The following DNM1L variants were observed in gnomAD, a reference collection of about 807,000 sequenced individuals.
The protein encoded by DNM1L is dynamin 1L.
DNM1L carries 33 observed loss-of-function variants against 92.8 expected under a neutral mutation model. The ratio of observed to expected loss-of-function variants is 0.36; its 90% confidence interval spans 0.27 to 0.48. The LOEUF (loss-of-function observed/expected upper bound fraction) is 0.48, where lower values mean the gene tolerates loss of function less well. Ranked by LOEUF, DNM1L falls within the 20% of genes least tolerant of loss-of-function variation. The pLI, the probability that DNM1L is intolerant of heterozygous loss-of-function variation, is 0.99. For synonymous variants in DNM1L, 284 were observed against 305.0 expected, an observed-to-expected ratio of 0.93 and a Z score of 0.72; for missense variants, 485 against 888.8, an observed-to-expected ratio of 0.55 and a Z score of 5.78.
In DNM1L at chr12:32,743,524, T is replaced by G. The variant is rs1955462459; in HGVS notation, c.*114T>G. 3.0e-6 allele frequency: 3 copies of G among 984,742 alleles called. No individual in the cohort carries two copies. Among genetic ancestry groups the G allele is most frequent in the Non-Finnish European group, 3.1e-6 (2 of 635,068 alleles). 61.0% of individuals were successfully genotyped at this position (984,742 alleles called of 1,614,324 possible). ...TATTGCAATGGTATGAATCTGCTCATGTGGAGACTGGCTATAAACTGAAAA... is the reference window on the plus strand; with the variant it reads ...TATTGCAATGGTATGAATCTGCTCAGGTGGAGACTGGCTATAAACTGAAAA... On this transcript the variant is annotated 3_prime_UTR_variant, in exon 20 of 20. Transcript: ENST00000549701.
intron 1 of DNM1L, among the ~76,000 whole-genome samples, chr12:32,695,207 A>G (rs1302058356): frequency 6.6e-6 from 1 of 152,212 alleles, no homozygotes; most frequent in African/African-American, 2.4e-5. Context: ...TAGAGTATAA[A>G]GGCAGAGTAG....
chr12:32,679,658 C>G, intron 1 of DNM1L, 193 bp downstream of exon 1: 1 of 1,290,040 alleles, frequency 7.8e-7, no homozygotes, highest in Non-Finnish European at 9.8e-7. Context: ...AGCGTTGCAT[C>G]AAGGCGGAGA....
In DNM1L at chr12:32,745,056, A is replaced by G. The variant is rs1229112830; in HGVS notation, c.*1646A>G. 2.0e-6 allele frequency: 1 copy of G among 501,548 alleles called. No individual in the cohort carries two copies. Among genetic ancestry groups the G allele is most frequent in the Non-Finnish European group, 3.9e-6 (1 of 254,266 alleles). The allele number at this position is 501,548 out of a possible 1,614,324, so 31.1% of individuals were successfully genotyped here. ...CAATTTACTAAGGAACAACAGGCTC[A>G]CCAACTGATGTCAAACATAAAAACC... On this transcript the variant is annotated 3_prime_UTR_variant, in exon 20 of 20. Transcript: ENST00000549701.
chr12:32,713,724 C>T (rs7971644), intron 6 of DNM1L, among the ~76,000 whole-genome samples: 1 of 151,914 alleles, frequency 6.6e-6, no homozygotes, highest in African/African-American at 2.4e-5. Context: ...ATGTGCCTGC[C>T]GTCCCAGCTA....
chr12:32,740,051 C>T lies in DNM1L; in HGVS notation c.1708-13C>T, dbSNP rs756385819. ...ATGATGTGGTTGGTATGTTTTGGAACATGTTTTTTCAGGTTGCATCTGGAG... is the reference window on the plus strand; with the variant it reads ...ATGATGTGGTTGGTATGTTTTGGAATATGTTTTTTCAGGTTGCATCTGGAG... On this transcript the variant is annotated splice_polypyrimidine_tract_variant and intron_variant, in intron 16 of 19. Transcript: ENST00000549701. 1.5e-5 allele frequency: 25 copies of T among 1,613,938 alleles called. 1 individual carries two copies. The highest frequency in any genetic ancestry group is 1.8e-5 in the Non-Finnish European group (21 of 1,179,962).
chr12:32,742,163 G>A (rs1161310701), intron 18 of DNM1L, among the ~76,000 whole-genome samples: 1 of 151,846 alleles, frequency 6.6e-6, no homozygotes, highest in Admixed American at 6.6e-5. Flanking sequence ...GGAGTGCAGT[G>A]GCGCGTTCTT....
At position 32,718,688 on chromosome 12, in the gene DNM1L, C is replaced by T. The variant is rs754202457; in HGVS notation, c.665C>T (p.Ala222Val). The change falls in exon 7 of 20, where the codon GCG becomes GTG. Residue 222 changes from alanine (A) to valine (V), a missense_variant. Physicochemically the swap from Ala to Val is moderately conservative, Grantham distance 64 (BLOSUM62 0). Around this residue, in one of 11 missense-constraint regions of DNM1L, gnomAD observed 159 missense variants for 275.9 expected, o/e 0.58. Transcript: ENST00000549701. Reference protein sequence around the residue: ...AVITKLDLMDAGTDAMDVLMG... With the variant: ...AVITKLDLMDVGTDAMDVLMG... Reference sequence around the variant, plus strand: ...ATCACTAAACTTGATCTCATGGATGCGGGTACTGATGCCATGGATGTATTG... The same window carrying T: ...ATCACTAAACTTGATCTCATGGATGTGGGTACTGATGCCATGGATGTATTG... The T allele has an allele frequency of 3.1e-6, 5 of 1,613,804 alleles. No homozygotes were observed. Among genetic ancestry groups the T allele is most frequent in the South Asian group, 1.1e-5 (1 of 91,072 alleles).
chr12:32,708,547 A>T (rs1953010553), intron 4 of DNM1L, among the ~76,000 whole-genome samples: 1 of 152,140 alleles, frequency 6.6e-6, no homozygotes, highest in Non-Finnish European at 1.5e-5. Context: ...ACAATAAGTT[A>T]TCTTTTTCTG....
rs974161404 is a variant in DNM1L at position 32,731,810 on chromosome 12, A to C, written c.1357-44A>C. The C allele has an allele frequency of 1.3e-6, 2 of 1,560,220 alleles. No individual in the cohort carries two copies. The highest frequency in any genetic ancestry group is 2.2e-5 in the East Asian group (1 of 44,604). On this transcript the variant is annotated intron_variant, in intron 11 of 19. Transcript: ENST00000549701. The surrounding 1 kb of genome is among the most constrained non-coding windows in gnomAD (Gnocchi z 5.1). ...CTTAGTGAGACTATGACTTAAAAAA[A>C]AAACAAAAAACAAACACGTTTTTCT...
At chr12:32,681,637 A>C (rs1485892495) in intron 1 of DNM1L, among the ~76,000 whole-genome samples, 1 of 135,490 alleles carries the variant, frequency 7.4e-6, no homozygotes, top group Non-Finnish European at 1.6e-5. Context: ...TTGGGGAAAC[A>C]AGAATCTCTT....
intron 8 of DNM1L, among the ~76,000 whole-genome samples, chr12:32,721,532 T>A (rs1170311284): frequency 6.6e-6 from 1 of 152,146 alleles, no homozygotes; most frequent in African/African-American, 2.4e-5. Context: ...GAAAAACCAA[T>A]CAAAATTGTT....
intron 1 of DNM1L, among the ~76,000 whole-genome samples, chr12:32,690,211 G>C (rs1952181346): frequency 6.6e-6 from 1 of 152,174 alleles, no homozygotes; most frequent in South Asian, 2.1e-4. Context: ...GTAAAACATT[G>C]GGAGCCCACA....
chr12:32,712,897 A>T (rs1200193406), intron 5 of DNM1L, among the ~76,000 whole-genome samples: 1 of 152,102 alleles, frequency 6.6e-6, no homozygotes, highest in South Asian at 2.1e-4. Context: ...AAGTGCCTAA[A>T]ATAGAGTAGG....
At chr12:32,679,692 A>G in intron 1 of DNM1L, 2 of 1,236,692 alleles carry the variant, frequency 1.6e-6, no homozygotes, top group Non-Finnish European at 2.0e-6. Context: ...CCAGGGGCGG[A>G]GCCGGCGCGG....
chr12:32,699,956 G>A lies in DNM1L; in HGVS notation c.103-1459G>A, dbSNP rs183814435. Among the ~76,000 whole-genome samples, 24 of 151,786 alleles carry A rather than the reference G, an allele frequency of 1.6e-4. No individual in the cohort carries two copies. The Middle Eastern group carries it at 0.017, about 108-fold the overall frequency. ...AAAATCTGTATGCTCATTAATAACG[G>A]CAATTTAACTTAAATGAACTAAATC... On this transcript the variant is annotated intron_variant, in intron 1 of 19. Coordinates refer to ENST00000549701, the MANE Select transcript of DNM1L (RefSeq NM_012062.5).
chr12:32,733,309 G>A lies in DNM1L; in HGVS notation c.1447-406G>A, dbSNP rs191064939. ...AGTTAACATCTTTAACTTATGCCTT[G>A]TTACGAACTTATTTTCTTATTGTTG... On this transcript the variant is annotated intron_variant, in intron 12 of 19. Transcript: ENST00000549701. The A allele has an allele frequency of 5.1e-4, 113 of 222,568 alleles. 2 individuals are homozygous for A. The Middle Eastern group carries it at 9.6e-3, about 19-fold the overall frequency. The allele number at this position is 222,568 out of a possible 1,614,324, so 13.8% of individuals were successfully genotyped here.
chr12:32,705,965 T>A, intron 2 of DNM1L: 7 of 1,126,584 alleles, frequency 6.2e-6, no homozygotes, highest in Non-Finnish European at 7.4e-6. Context: ...CTTCCATTTT[T>A]ATTTGCCCAT....
chr12:32,729,255 G>C (rs1345402355), intron 9 of DNM1L, among the ~76,000 whole-genome samples: 1 of 150,984 alleles, frequency 6.6e-6, no homozygotes, highest in African/African-American at 2.4e-5. Flanking sequence ...CTAATTTTTT[G>C]TATTTTTAGT....
rs191511672 is a variant in DNM1L at position 32,694,498 on chromosome 12, G to A, written c.103-6917G>A. Among the ~76,000 whole-genome samples, 14 of 152,218 alleles carry A rather than the reference G, an allele frequency of 9.2e-5. No individual in the cohort carries two copies. The East Asian group carries it at 2.7e-3, about 29-fold the overall frequency. On this transcript the variant is annotated intron_variant, in intron 1 of 19. Coordinates refer to ENST00000549701, the MANE Select transcript of DNM1L (RefSeq NM_012062.5). ...ATTCATCCATGTTGGAGCGTGCATC[G>A]GTACCTTATTCCTTTTTATGACTGA... is the stretch of plus-strand genomic sequence containing the variant.
Sources: gnomAD v4.1 joint callset for allele counts (sites outside exome capture counted in the v4.1 genomes callset) on GRCh38, gnomAD v4.1.1 for gene constraint, gnomAD v4.1.1 regional missense constraint, Gnocchi (gnomAD v3.1) non-coding constraint, MANE v1.5 for transcripts, NCBI Gene and HGNC (gene_info 2026-07-23, HGNC 2026-07-21) for gene names.